The following SOX30 variants were observed in gnomAD, a reference collection of about 807,000 sequenced individuals.
The protein encoded by SOX30 is SRY-box transcription factor 30, also known as transcription factor SOX-30.
SOX30 carries 17 observed loss-of-function variants against 58.6 expected under a neutral mutation model. The ratio of observed to expected loss-of-function variants is 0.29; its 90% CI spans 0.20 to 0.44. SOX30 has a LOEUF of 0.44. Among genes scored for constraint, SOX30 ranks in the 20% least tolerant of loss-of-function variants. The pLI is 1.00. For missense variants in SOX30, 951 were observed against 965.8 expected (o/e 0.98, Z 0.20); for synonymous variants, 421 against 400.2 (o/e 1.05, Z -0.62).
intron 1 of SOX30, among the ~76,000 whole-genome samples, chr5:157,650,851 T>C (rs1759311608): frequency 6.6e-6 from 1 of 152,226 alleles, no homozygotes; most frequent in South Asian, 2.1e-4. Context: ...ATTTCTATTT[T>C]TGTGTACAAA....
chr5:157,651,855 G>A lies in SOX30; in HGVS notation c.224C>T (p.Pro75Leu), dbSNP rs1281092175. 1 of 1,574,068 alleles carries A rather than the reference G, an allele frequency of 6.4e-7. No homozygotes were observed. The highest frequency in any genetic ancestry group is 1.7e-4 in the Middle Eastern group (1 of 5,928). ...PAVRRLLQVK[P>L]EQVLLLPQPQ... ...CTGTGGTAGCAGCAACACCTGCTCT[G>A]GCTTCACCTGCAGCAGCCGCCGCAC... Residue 75 changes from proline to leucine, a missense_variant, in exon 1 of 5, where the codon CCA (proline) becomes CTA (leucine). By Grantham distance (98) the Pro-to-Leu change is moderately conservative (BLOSUM62 -3). Around this residue, in one of 7 missense-constraint regions of SOX30, gnomAD observed 363 missense variants for 294.5 expected, o/e 1.23. Transcript: ENST00000265007.
intron 4 of SOX30, among the ~76,000 whole-genome samples, chr5:157,628,727 C>T (rs1026877681): frequency 1.3e-4 from 20 of 151,568 alleles, no homozygotes; most frequent in Non-Finnish European, 2.8e-4. Flanking sequence ...CTGCAACCTC[C>T]GCCTCCCAGG....
intron 1 of SOX30, among the ~76,000 whole-genome samples, chr5:157,670,519 T>C (rs1315789127): frequency 1.3e-5 from 2 of 152,178 alleles, no homozygotes; most frequent in Non-Finnish European, 2.9e-5. Context: ...GAAGTTAAAA[T>C]GAAGGGCTCT....
At chr5:157,628,244 G>A (rs949362009) in intron 4 of SOX30, among the ~76,000 whole-genome samples, 61 of 152,060 alleles carry the variant, frequency 4.0e-4, no homozygotes, top group African/African-American at 1.4e-3. Context: ...CTCTTTCAAA[G>A]GCATAGAGCA....
intron 4 of SOX30, among the ~76,000 whole-genome samples, chr5:157,631,273 T>C (rs1319487656): frequency 1.3e-5 from 2 of 151,486 alleles, no homozygotes; most frequent in Non-Finnish European, 2.9e-5. Context: ...ATGATTGGTT[T>C]TTAAAAATAG....
chr5:157,667,174 G>C (rs1329993059), intron 2 of SOX30, among the ~76,000 whole-genome samples: 3 of 152,168 alleles, frequency 2.0e-5, no homozygotes, highest in Non-Finnish European at 4.4e-5. Context: ...GGAGGGATGG[G>C]ACGTAGGAGT....
At chr5:157,633,380 G>GA (rs1758857009) in intron 4 of SOX30, among the ~76,000 whole-genome samples, 1 of 152,164 alleles carries the variant, frequency 6.6e-6, no homozygotes, top group Non-Finnish European at 1.5e-5. Context: ...TTCTGAATCT[G>GA]AAAATCATCT....
chr5:157,628,365 TCACACACACACACACACACACA>T (rs70984476), intron 4 of SOX30, among the ~76,000 whole-genome samples: 1 of 139,602 alleles, frequency 7.2e-6, no homozygotes, highest in East Asian at 2.2e-4. Flanking sequence ...TTTCTGGCCT[TCACACACACACACACACACACA>T]CACACACACA....
chr5:157,638,342 G>GGGGC lies in SOX30; in HGVS notation c.1767_1768insGCCC (p.His590AlafsTer62). On this transcript the variant is annotated frameshift_variant, in exon 4 of 5. Coordinates refer to ENST00000265007, the MANE Select transcript of SOX30 (RefSeq NM_178424.2). LOFTEE classifies it high-confidence loss of function. ...CCAAGGGGAGGGGGCTGGTAGACAT[G>GGGGC]TGGGTGTGGAATGGGAGAAGCCTGG... is the stretch of plus-strand genomic sequence containing the variant. 1.2e-6 allele frequency: 2 copies of GGGGC among 1,613,428 alleles called. No individual in the cohort carries two copies. The highest frequency in any genetic ancestry group is 1.7e-6 in the Non-Finnish European group (2 of 1,179,566).
chr5:157,645,465 C>G (rs1759166027), intron 3 of SOX30, among the ~76,000 whole-genome samples: 1 of 151,980 alleles, frequency 6.6e-6, no homozygotes, highest in Non-Finnish European at 1.5e-5. Flanking sequence ...GGATTCGACA[C>G]CAGCCTGGGC....
At chr5:157,629,472 T>C (rs1758737761) in intron 4 of SOX30, among the ~76,000 whole-genome samples, 3 of 152,170 alleles carry the variant, frequency 2.0e-5, no homozygotes, top group Non-Finnish European at 4.4e-5. Context: ...GCCAGCATTA[T>C]AGTGACTATT....
At chr5:157,664,610 TTAAAC>T (rs1390259931) in intron 2 of SOX30, among the ~76,000 whole-genome samples, 5 of 152,138 alleles carry the variant, frequency 3.3e-5, no homozygotes, top group East Asian at 1.9e-4. Context: ...TGGGATCTAA[TTAAAC>T]TAAAGAGCTT....
At chr5:157,657,505 A>T (rs1341458668) in intron 2 of SOX30, among the ~76,000 whole-genome samples, 1 of 152,234 alleles carries the variant, frequency 6.6e-6, no homozygotes, top group East Asian at 1.9e-4. Flanking sequence ...AAAGGAAAAC[A>T]CTTTCAGAAT....
chr5:157,668,495 T>C (rs1322510615), intron 1 of SOX30, among the ~76,000 whole-genome samples: 1 of 152,086 alleles, frequency 6.6e-6, no homozygotes, highest in East Asian at 1.9e-4. Flanking sequence ...CATCCATTCA[T>C]CCATTCACTC....
chr5:157,665,194 A>T (rs1759647159), intron 2 of SOX30, among the ~76,000 whole-genome samples: 1 of 152,228 alleles, frequency 6.6e-6, no homozygotes, highest in Non-Finnish European at 1.5e-5. Flanking sequence ...ACTTGGAACC[A>T]ACCCAAATGT....
chr5:157,645,857 C>T (rs949005385), intron 3 of SOX30, among the ~76,000 whole-genome samples: 2 of 151,984 alleles, frequency 1.3e-5, no homozygotes, highest in Admixed American at 1.3e-4. Flanking sequence ...CCCATCTCTA[C>T]TAAAAATACA....
At chr5:157,632,047 TA>T (rs570172679) in intron 4 of SOX30, among the ~76,000 whole-genome samples, 1,900 of 56,282 alleles carry the variant, frequency 0.034, 9 homozygotes, top group East Asian at 0.079. Flanking sequence ...ACCCCGTAAC[TA>T]AAAAAAAAAA....
At position 157,626,238 on chromosome 5, in the gene SOX30, A is replaced by C; in HGVS notation, c.*102T>G. 1 of 1,139,292 alleles carries C rather than the reference A, an allele frequency of 8.8e-7. No individual in the cohort carries two copies. Among genetic ancestry groups the C allele is most frequent in the Non-Finnish European group, 1.2e-6 (1 of 834,134 alleles). The allele number at this position is 1,139,292 out of a possible 1,614,324, so 70.6% of individuals were successfully genotyped here. On this transcript the variant is annotated 3_prime_UTR_variant, in exon 5 of 5. Transcript: ENST00000265007. ...GTTTTAACTCCTCAAATCACGACTG[A>C]AAACTTTCAACAAAGAATTCTAGGC...
rs1218736431 is a variant in SOX30 at position 157,651,336 on chromosome 5, G to C, written c.743C>G (p.Ser248Cys). The C allele has an allele frequency of 1.5e-5, 25 of 1,613,902 alleles. No individual in the cohort carries two copies. Among genetic ancestry groups the C allele is most frequent in the Non-Finnish European group, 2.1e-5 (25 of 1,180,052 alleles). ...GSAEVILAPT[S>C]GAFGPHQQDL... ...TTGCTGGTGCGGCCCAAAGGCACCG[G>C]ACGTTGGGGCCAAGATGACCTCCGC... The change falls in exon 1 of 5, where the codon TCC becomes TGC. Residue 248 changes from serine (S) to cysteine (C), a missense_variant. By Grantham distance (112) the Ser-to-Cys change is moderately radical. This residue lies in a region of SOX30 where 84 missense variants were observed against 68.2 expected (regional missense o/e 1.23). Coordinates refer to ENST00000265007, the MANE Select transcript of SOX30 (RefSeq NM_178424.2).
Sources: allele counts gnomAD v4.1 joint callset (sites outside exome capture counted in the v4.1 genomes callset), GRCh38; gene constraint gnomAD v4.1.1; regional missense constraint gnomAD v4.1.1; transcripts MANE v1.5; gene names NCBI Gene and HGNC (gene_info 2026-07-23, HGNC 2026-07-21).